Variants in VSNL1 observed in about 807,000 individuals in gnomAD.
VSNL1 encodes visinin-like protein 1.
VSNL1 carries 6 observed loss-of-function variants against 20.4 expected under a neutral mutation model. The observed-to-expected ratio is 0.29, with a 90% CI of 0.16 to 0.58. The LOEUF (loss-of-function observed/expected upper bound fraction) is 0.58, where lower values mean the gene tolerates loss of function less well. Among genes scored for constraint, VSNL1 ranks in the 20% least tolerant of loss-of-function variants. The pLI, the probability that VSNL1 is intolerant of heterozygous loss-of-function variation, is 0.90. For synonymous variants in VSNL1, 93 were observed against 86.4 expected (o/e 1.08, Z -0.42); for missense variants, 100 against 234.5 (o/e 0.43, Z 3.75).
At chr2:17,627,484 A>G (rs1213409196) in intron 2 of VSNL1, among the ~76,000 whole-genome samples, 1 of 152,212 alleles carries the variant, frequency 6.6e-6, no homozygotes, top group Non-Finnish European at 1.5e-5. Context: ...TATTACTCAA[A>G]TCAGTCTCTC....
rs149635895 is a variant in VSNL1 at position 17,582,090 on chromosome 2, G to A, written c.-5-9980G>A. 5.7e-4 allele frequency among the ~76,000 whole-genome samples: 87 copies of A among 152,324 alleles called. 1 individual carries two copies. The East Asian group carries it at 0.01, about 18-fold the overall frequency. On this transcript the variant is annotated intron_variant, in intron 1 of 3. Coordinates refer to ENST00000295156, the MANE Select transcript of VSNL1 (RefSeq NM_003385.5). ...AGTGGGAGTTCACTAGAGAACCAAC[G>A]TGTAGCTAATGAGAACTGCCCTCAG... is the stretch of plus-strand genomic sequence containing the variant.
At chr2:17,585,045 CTTA>C (rs1384737379) in intron 1 of VSNL1, among the ~76,000 whole-genome samples, 1 of 152,146 alleles carries the variant, frequency 6.6e-6, no homozygotes, top group South Asian at 2.1e-4. Context: ...TTTTCCCTCA[CTTA>C]TTATAGATTA....
In VSNL1 at chr2:17,573,028, C is replaced by T. The variant is rs962465294; in HGVS notation, c.-5-19042C>T. On this transcript the variant is annotated intron_variant, in intron 1 of 3. Transcript: ENST00000295156. ...CTACAGGACAGACATAGTACTCATC[C>T]TCAGAGGAGATTATGACTAGAGAGG... 2.6e-5 allele frequency among the ~76,000 whole-genome samples: 4 copies of T among 152,198 alleles called. No individual in the cohort carries two copies. The East Asian group carries it at 7.7e-4, about 29-fold the overall frequency.
intron 2 of VSNL1, among the ~76,000 whole-genome samples, chr2:17,630,307 C>T (rs1219095653): frequency 6.6e-6 from 1 of 152,222 alleles, no homozygotes; most frequent in Non-Finnish European, 1.5e-5. Context: ...TTGAGTCATT[C>T]CCTCAGGCTC....
At position 17,592,079 on chromosome 2, in the gene VSNL1, G is replaced by A; in HGVS notation, c.5G>A (p.Gly2Glu). M[G>E]KQNSKLAPEV... is the part of the protein sequence containing the mutation. The stretch of plus-strand genomic sequence containing the variant: ...ATTTGCTTTTCTTCAGGCAGGATGG[G>A]GAAGCAGAATAGCAAACTGGCCCCT... Residue 2 changes from glycine (G) to glutamate (E), a missense_variant, in exon 2 of 4, where the codon GGG (glycine) becomes GAG (glutamate). Physicochemically the swap from Gly to Glu is moderately conservative, Grantham distance 98. Coordinates refer to ENST00000295156, the MANE Select transcript of VSNL1 (RefSeq NM_003385.5). The A allele has an allele frequency of 6.2e-7, 1 of 1,613,652 alleles. No individual in the cohort carries two copies. The highest frequency in any genetic ancestry group is 8.5e-7 in the Non-Finnish European group (1 of 1,179,718).
At chr2:17,553,727 C>A (rs1663606732) in intron 1 of VSNL1, among the ~76,000 whole-genome samples, 1 of 152,228 alleles carries the variant, frequency 6.6e-6, no homozygotes, top group Non-Finnish European at 1.5e-5. Flanking sequence ...ATAATTTAAT[C>A]TCTTTGAGCC....
intron 2 of VSNL1, among the ~76,000 whole-genome samples, chr2:17,615,053 A>G (rs1665183564): frequency 6.6e-6 from 1 of 152,142 alleles, no homozygotes; most frequent in Non-Finnish European, 1.5e-5. Flanking sequence ...ACCTTTCTTA[A>G]CTACAGCTCC....
intron 2 of VSNL1, among the ~76,000 whole-genome samples, chr2:17,637,678 A>G (rs1665786905): frequency 6.6e-6 from 1 of 152,192 alleles, no homozygotes; most frequent in Admixed American, 6.5e-5. Flanking sequence ...AGTGTGCGCT[A>G]TGCAAACCCC....
intron 2 of VSNL1, among the ~76,000 whole-genome samples, chr2:17,594,320 G>A (rs980726581): frequency 1.3e-5 from 2 of 152,118 alleles, no homozygotes; most frequent in African/African-American, 4.8e-5. Flanking sequence ...AACTCTGCCT[G>A]TACTCTTATA....
intron 1 of VSNL1, among the ~76,000 whole-genome samples, chr2:17,565,976 G>A (rs1190172960): frequency 6.6e-6 from 1 of 152,170 alleles, no homozygotes; most frequent in East Asian, 1.9e-4. Flanking sequence ...AGAAGGATGT[G>A]TTTGCTTCCC....
rs142539198 is a variant in VSNL1, at chr2:17,596,640, T to C, written c.162+4404T>C. ...GAGGAATCCTGCAAAGAGCCCTAAGTGGATTTTAATTTATGTTTAGAGTTT... is the reference window on the plus strand; with the variant it reads ...GAGGAATCCTGCAAAGAGCCCTAAGCGGATTTTAATTTATGTTTAGAGTTT... On this transcript the variant is annotated intron_variant, in intron 2 of 3. Transcript: ENST00000295156. Among the ~76,000 whole-genome samples the C allele has an allele frequency of 3.8e-3, 576 of 152,224 alleles. 5 individuals carry two copies. The highest frequency in any genetic ancestry group is 0.013 in the African/African-American group (541 of 41,522).
intron 1 of VSNL1, among the ~76,000 whole-genome samples, chr2:17,579,129 T>A (rs1272771962): frequency 6.6e-6 from 1 of 152,090 alleles, no homozygotes; most frequent in Non-Finnish European, 1.5e-5. Flanking sequence ...TTTATTTTTT[T>A]TTTTGAGACG....
intron 2 of VSNL1, among the ~76,000 whole-genome samples, chr2:17,603,815 GAA>G (rs1664885208): frequency 6.6e-6 from 1 of 152,170 alleles, no homozygotes; most frequent in Non-Finnish European, 1.5e-5. Context: ...TACCAAGAAG[GAA>G]AAGTTAATTT....
chr2:17,589,426 CAGA>C (rs1664549983), intron 1 of VSNL1, among the ~76,000 whole-genome samples: 1 of 152,240 alleles, frequency 6.6e-6, no homozygotes, highest in South Asian at 2.1e-4. Context: ...GGCAGCTGTG[CAGA>C]AGGAGAGTGG....
chr2:17,643,614 G>A (rs757166780), intron 2 of VSNL1, among the ~76,000 whole-genome samples: 20 of 152,152 alleles, frequency 1.3e-4, no homozygotes, highest in Non-Finnish European at 2.9e-4. Flanking sequence ...GCAAAACCAG[G>A]TCATTCTCGG....
chr2:17,624,299 C>T (rs552545068), intron 2 of VSNL1, among the ~76,000 whole-genome samples: 20 of 152,168 alleles, frequency 1.3e-4, no homozygotes, highest in Non-Finnish European at 2.6e-4. Flanking sequence ...ACCATGGATT[C>T]GTCACCTCAT....
Position 17,634,647 on chromosome 2 carries a change from T to C in VSNL1, c.163-14763T>C, listed in dbSNP as rs1170997318. On this transcript the variant is annotated intron_variant, in intron 2 of 3. Transcript: ENST00000295156. This position sits in a 1 kb window ranked among gnomAD's most constrained non-coding sequence, Gnocchi z 4.3. ...TCCTCTGAGATCAGCAAAGTAAGAATGAGCCTCTCAGGTCGTAGTAGGGTG... is the reference window on the plus strand; with the variant it reads ...TCCTCTGAGATCAGCAAAGTAAGAACGAGCCTCTCAGGTCGTAGTAGGGTG... 2.0e-5 allele frequency among the ~76,000 whole-genome samples: 3 copies of C among 152,224 alleles called. No homozygotes were observed. The highest frequency in any genetic ancestry group is 4.4e-5 in the Non-Finnish European group (3 of 68,034).
intron 1 of VSNL1, among the ~76,000 whole-genome samples, chr2:17,542,231 G>T (rs1351306106): frequency 6.6e-6 from 1 of 152,068 alleles, no homozygotes; most frequent in African/African-American, 2.4e-5. Flanking sequence ...GGGGGGAGTA[G>T]GGGGTGATCC....
At chr2:17,644,181 G>A (rs1665944502) in intron 2 of VSNL1, among the ~76,000 whole-genome samples, 1 of 152,198 alleles carries the variant, frequency 6.6e-6, no homozygotes, top group Non-Finnish European at 1.5e-5. Context: ...GATGTGAAGA[G>A]CTGAAAGCCA....
Sources: allele counts gnomAD v4.1 joint callset (sites outside exome capture counted in the v4.1 genomes callset), GRCh38; gene constraint gnomAD v4.1.1; non-coding constraint Gnocchi (gnomAD v3.1); transcripts MANE v1.5; gene names NCBI Gene and HGNC (gene_info 2026-07-23, HGNC 2026-07-21).